HS6ST2: variants seen among roughly 807,000 people sequenced by gnomAD.
The protein encoded by HS6ST2 is heparan-sulfate 6-O-sulfotransferase 2.
Under a neutral mutation model 33.0 loss-of-function variants are expected in HS6ST2, and 17 were observed. The ratio of observed to expected loss-of-function variants is 0.52; its 90% CI spans 0.35 to 0.77. The LOEUF is 0.77. Ranked by LOEUF, HS6ST2 falls within the 30% of genes least tolerant of loss-of-function variation. HS6ST2 has a pLI of 0.01. For missense variants in HS6ST2, 519 were observed against 551.7 expected (o/e 0.94, Z 0.59); for synonymous variants, 248 against 237.1 (o/e 1.05, Z -0.42).
At position 132,724,896 on chromosome X, in the gene HS6ST2, T is replaced by C. The variant is rs577389111; in HGVS notation, c.948-16402A>G. On this transcript the variant is annotated intron_variant, in intron 2 of 4. Transcript: ENST00000370833. The stretch of plus-strand genomic sequence containing the variant: ...TGATAAAATTGCCAAGAACATACAC[T>C]GGGGAAAAGACAGTCCTTTCAATAA... Among the ~76,000 whole-genome samples, 4 of 111,911 alleles carry C rather than the reference T, an allele frequency of 3.6e-5. No homozygotes were observed. The South Asian group carries it at 1.1e-3, about 31-fold the overall frequency.
intron 2 of HS6ST2, among the ~76,000 whole-genome samples, chrX:132,943,387 T>A (rs1313108327): frequency 1.8e-5 from 2 of 111,575 alleles, no homozygotes; most frequent in Non-Finnish European, 3.8e-5. Context: ...CAGTTCTGTT[T>A]TCTCATCTTT....
chrX:132,687,423 A>T (rs1288604302), intron 3 of HS6ST2, among the ~76,000 whole-genome samples: 1 of 110,819 alleles, frequency 9.0e-6, no homozygotes, highest in Non-Finnish European at 1.9e-5. Context: ...GGGCTTAATG[A>T]AGGCTCTTGC....
intron 2 of HS6ST2, among the ~76,000 whole-genome samples, chrX:132,817,835 T>C (rs1320844171): frequency 8.9e-6 from 1 of 111,825 alleles, no homozygotes; most frequent in Non-Finnish European, 1.9e-5. Context: ...AAAATGGGCA[T>C]GATAATCATA....
chrX:132,740,117 T>C (rs1426041150), intron 2 of HS6ST2, among the ~76,000 whole-genome samples: 1 of 112,099 alleles, frequency 8.9e-6, no homozygotes, highest in Non-Finnish European at 1.9e-5. Flanking sequence ...CTCCCAGCAG[T>C]AGTGTAGAAA....
Position 132,687,123 on chromosome X carries a change from G to A in HS6ST2, c.981-17924C>T, listed in dbSNP as rs943852501. ...CTCTGTTGTGACCATTGTATTCAGC[G>A]CTTTTCGTTCTTTGCCAGTCTTGAG... On this transcript the variant is annotated intron_variant, in intron 3 of 4. Transcript: ENST00000370833. Among the ~76,000 whole-genome samples, 57 of 111,576 alleles carry A rather than the reference G, an allele frequency of 5.1e-4. 1 individual carries two copies. Among genetic ancestry groups the A allele is most frequent in the African/African-American group, 1.8e-3 (55 of 30,674 alleles).
chrX:132,942,139 T>C (rs1035278191), intron 2 of HS6ST2, among the ~76,000 whole-genome samples: 1 of 111,573 alleles, frequency 9.0e-6, no homozygotes, highest in Non-Finnish European at 1.9e-5. Flanking sequence ...GAACATACTG[T>C]GCCACTTTCA....
chrX:132,820,860 T>A (rs1216339062), intron 2 of HS6ST2, among the ~76,000 whole-genome samples: 3 of 110,386 alleles, frequency 2.7e-5, no homozygotes, highest in Non-Finnish European at 5.7e-5. Context: ...CTGGGCAGGA[T>A]ATTTACTCTA....
intron 2 of HS6ST2, among the ~76,000 whole-genome samples, chrX:132,930,153 GTTGTT>G (rs776562105): frequency 1.1e-4 from 12 of 109,752 alleles, no homozygotes; most frequent in African/African-American, 2.0e-4. Flanking sequence ...TGTTGTTGTT[GTTGTT>G]TTGTTTTGTT....
chrX:132,683,792 A>G (rs142883805), intron 3 of HS6ST2, among the ~76,000 whole-genome samples: 1 of 111,202 alleles, frequency 9.0e-6, no homozygotes, highest in Non-Finnish European at 1.9e-5. Flanking sequence ...AGCAAGTAGC[A>G]TGGGCCAGGA....
intron 3 of HS6ST2, among the ~76,000 whole-genome samples, chrX:132,701,773 A>G (rs1163106253): frequency 8.9e-6 from 1 of 112,107 alleles, no homozygotes; most frequent in Non-Finnish European, 1.9e-5. Flanking sequence ...GCCTTCTAAG[A>G]GTTAACATGC....
chrX:132,940,980 C>T (rs1434120595), intron 2 of HS6ST2, among the ~76,000 whole-genome samples: 2 of 111,606 alleles, frequency 1.8e-5, no homozygotes, highest in African/African-American at 3.3e-5. Context: ...CCTGAAACCC[C>T]GCACCCAGTC....
At chrX:132,793,348 C>T (rs1308698859) in intron 2 of HS6ST2, among the ~76,000 whole-genome samples, 1 of 110,649 alleles carries the variant, frequency 9.0e-6, no homozygotes, top group Non-Finnish European at 1.9e-5. Flanking sequence ...GCATGAGCCA[C>T]TGCGCCCAGC....
At chrX:132,761,150 AC>A (rs1211257856) in intron 2 of HS6ST2, among the ~76,000 whole-genome samples, 1 of 111,658 alleles carries the variant, frequency 9.0e-6, no homozygotes, top group Non-Finnish European at 1.9e-5. Flanking sequence ...TGGCTAACTG[AC>A]CCTGGAAACT....
chrX:132,954,001 G>T lies in HS6ST2; in HGVS notation c.947+2807C>A, dbSNP rs148695397. Among the ~76,000 whole-genome samples, 321 of 112,059 alleles carry T rather than the reference G, an allele frequency of 2.9e-3. 1 individual carries two copies. Among genetic ancestry groups the T allele is most frequent in the African/African-American group, 0.01 (314 of 30,831 alleles). ...AGTGCAGTCAGATTCCTGCTGTGCCGCTAAAAAAACTCAGTGACCCCGGGG... is the reference window on the plus strand; with the variant it reads ...AGTGCAGTCAGATTCCTGCTGTGCCTCTAAAAAAACTCAGTGACCCCGGGG... On this transcript the variant is annotated intron_variant, in intron 2 of 4. Coordinates refer to ENST00000370833, the MANE Select transcript of HS6ST2 (RefSeq NM_001394073.1).
intron 2 of HS6ST2, among the ~76,000 whole-genome samples, chrX:132,828,782 C>T (rs1378732951): frequency 2.0e-5 from 2 of 98,024 alleles, no homozygotes; most frequent in African/African-American, 7.6e-5. Flanking sequence ...TAAATATATA[C>T]ACAGCATATA....
intron 2 of HS6ST2, among the ~76,000 whole-genome samples, chrX:132,905,445 C>T (rs1231688881): frequency 8.9e-6 from 1 of 112,278 alleles, no homozygotes; most frequent in Non-Finnish European, 1.9e-5. Flanking sequence ...AATTTTTCCA[C>T]ACATGGCTGT....
chrX:132,628,797 T>C lies in HS6ST2; in HGVS notation c.1364A>G (p.Lys455Arg), dbSNP rs764756647. The C allele has an allele frequency of 2.5e-6, 3 of 1,211,924 alleles. No homozygotes were observed. The highest frequency in any genetic ancestry group is 3.4e-6 in the Non-Finnish European group (3 of 895,485). The change falls in exon 5 of 5, where the codon AAG becomes AGG. Residue 455 changes from lysine (K) to arginine (R), a missense_variant. Coordinates refer to ENST00000370833, the MANE Select transcript of HS6ST2 (RefSeq NM_001394073.1). ...LSVMPEKQRNKVLLESAKSNL... is the reference protein window; with the variant it reads ...LSVMPEKQRNRVLLESAKSNL... ...TGACTTGGCACTTTCCAGAAGGACC[T>C]TGTTTCTTTGCTTTTCAGGCATGAC...
chrX:132,947,274 G>A (rs2148501079), intron 2 of HS6ST2, among the ~76,000 whole-genome samples: 1 of 109,670 alleles, frequency 9.1e-6, no homozygotes, highest in Non-Finnish European at 1.9e-5. Context: ...ATATGTATAT[G>A]TGTGTGTGTA....
rs773225088 is a variant in HS6ST2 at position 132,656,652 on chromosome X, T to C, written c.1067+12461A>G. ...TGCTCTGTATGCCTTTGCAAACTCATAGTTTAGCTCCCATGTATAAGTGTG... is the reference window on the plus strand; with the variant it reads ...TGCTCTGTATGCCTTTGCAAACTCACAGTTTAGCTCCCATGTATAAGTGTG... On this transcript the variant is annotated intron_variant, in intron 4 of 4. Coordinates refer to ENST00000370833, the MANE Select transcript of HS6ST2 (RefSeq NM_001394073.1). Among the ~76,000 whole-genome samples the C allele has an allele frequency of 3.6e-5, 4 of 111,863 alleles. No homozygotes were observed. In the South Asian group the frequency reaches 1.1e-3, roughly 32 times the overall value.
Sources: gnomAD v4.1 joint callset for allele counts (sites outside exome capture counted in the v4.1 genomes callset) on GRCh38, gnomAD v4.1.1 for gene constraint, MANE v1.5 for transcripts, NCBI Gene and HGNC (gene_info 2026-07-23, HGNC 2026-07-21) for gene names.